KCP: variants seen among roughly 807,000 people sequenced by gnomAD.
The protein encoded by KCP is kielin cysteine rich BMP regulator, also known as kielin/chordin-like protein.
In KCP, 194 loss-of-function variants were observed where a neutral mutation model predicts 212.7. The ratio of observed to expected loss-of-function variants is 0.91; its 90% CI spans 0.81 to 1.03. The LOEUF (loss-of-function observed/expected upper bound fraction) is 1.03, where lower values mean the gene tolerates loss of function less well. KCP is among the 50% of genes least tolerant of loss of function. The pLI is 0.00. For missense variants in KCP, 2,080 were observed against 2,162.5 expected (o/e 0.96, Z 0.76); for synonymous variants, 833 against 865.3 (o/e 0.96, Z 0.65).
chr7:128,891,992 A>T (rs1211587712), intron 16 of KCP, among the ~76,000 whole-genome samples, 173 bp from the exon 17 acceptor site: 3 of 151,984 alleles, frequency 2.0e-5, no homozygotes, highest in Non-Finnish European at 4.4e-5. Context: ...AGCACACACG[A>T]GTGTGCGTGC....
intron 21 of KCP, 85 bp downstream of exon 21, chr7:128,890,258 A>T (rs1158110076): frequency 6.5e-6 from 10 of 1,548,950 alleles, no homozygotes; most frequent in Non-Finnish European, 8.7e-6. Flanking sequence ...TTTTAGATCC[A>T]CCCTAGGGCA....
At chr7:128,880,330 C>T (rs769462758) in intron 34 of KCP, 56 bp downstream of exon 34, 21 of 1,465,152 alleles carry the variant, frequency 1.4e-5, no homozygotes, top group South Asian at 5.6e-5. Flanking sequence ...ACCAGGATGG[C>T]GGTACCATGT....
Position 128,885,174 on chromosome 7 carries a change from G to A in KCP, c.2963C>T (p.Thr988Ile). The change falls in exon 27 of 40, where the codon ACC becomes ATC. Residue 988 changes from threonine (T) to isoleucine (I), a missense_variant. Transcript: ENST00000610776. Reference sequence around the variant, plus strand: ...GCTGATGCACTGGATGCGTGCACAGGTGACGACGCCCTCGTGACACACACA... The same window carrying A: ...GCTGATGCACTGGATGCGTGCACAGATGACGACGCCCTCGTGACACACACA... ...SSCVCHEGVV[T>I]CARIQCISSC... 6.4e-7 allele frequency: 1 copy of A among 1,550,880 alleles called. No individual in the cohort carries two copies.
At chr7:128,909,773 T>C (rs1795333941) in intron 1 of KCP, among the ~76,000 whole-genome samples, 1 of 152,172 alleles carries the variant, frequency 6.6e-6, no homozygotes, top group Admixed American at 6.5e-5. Flanking sequence ...TACTTCTGGC[T>C]TATATCAGGG....
intron 22 of KCP, among the ~76,000 whole-genome samples, chr7:128,888,610 C>CCAGACACACACACACACATA (rs1190662907): frequency 8.0e-6 from 1 of 124,522 alleles, no homozygotes; most frequent in African/African-American, 3.0e-5. Flanking sequence ...ACACACACAG[C>CCAGACACACACACACACATA]CAGACACACA....
In KCP at chr7:128,891,488, G is replaced by C; in HGVS notation, c.1841C>G (p.Pro614Arg). The C allele has an allele frequency of 6.5e-7, 1 of 1,550,372 alleles. No homozygotes were observed. The highest frequency in any genetic ancestry group is 8.7e-7 in the Non-Finnish European group (1 of 1,146,792). ...GKEYPSGADF[P>R]HPSDPCRLCR... ...CAGACGGCAGGGGTCAGAGGGGTGG[G>C]GGAAGTCCGCTCCGCTGGGGTACTC... The change falls in exon 18 of 40, where the codon CCC becomes CGC. Residue 614 changes from proline (P) to arginine (R), a missense_variant. Coordinates refer to ENST00000610776, the MANE Select transcript of KCP (RefSeq NM_001366122.1).
intron 27 of KCP, 80 bp from the exon 28 acceptor site, chr7:128,884,943 C>T: frequency 6.7e-7 from 1 of 1,492,624 alleles, no homozygotes; most frequent in South Asian, 1.2e-5. Context: ...CCTCTATCTC[C>T]AGCCTCCCCC....
At position 128,888,551 on chromosome 7, in the gene KCP, CACAT is replaced by C. The variant is rs374942701; in HGVS notation, c.2512+308_2512+311del. On this transcript the variant is annotated intron_variant, in intron 22 of 39. Coordinates refer to ENST00000610776, the MANE Select transcript of KCP (RefSeq NM_001366122.1). Reference sequence around the variant, plus strand: ...ATACACACATACACACATACAGCAACACATACATACACACACATATACACACGGC... The same window carrying C: ...ATACACACATACACACATACAGCAACACATACACACACATATACACACGGC... Among the ~76,000 whole-genome samples the C allele has an allele frequency of 1.4e-3, 209 of 148,070 alleles. 8 individuals are homozygous for C. The East Asian group carries it at 0.036, about 25-fold the overall frequency.
At position 128,907,289 on chromosome 7, in the gene KCP, G is replaced by C. The variant is rs781574662; in HGVS notation, c.384C>G (p.Pro128=). ...VCQDGAAHCG[P]QAHLPHCRGC... is the part of the protein sequence containing the mutation. ...CCCTGCAATGGGGCAGGTGTGCTTG[G>C]GGGCCACAGTGAGCGGCCCCATCCT... Residue 128 remains proline (P), a synonymous_variant, in exon 3 of 40, where the codon CCC becomes CCG. Coordinates refer to ENST00000610776, the MANE Select transcript of KCP (RefSeq NM_001366122.1). 2.5e-5 allele frequency: 39 copies of C among 1,535,734 alleles called. No homozygotes were observed. The highest frequency in any genetic ancestry group is 3.4e-5 in the Non-Finnish European group (39 of 1,134,514).
intron 6 of KCP, 71 bp from the exon 7 acceptor site, chr7:128,903,891 CA>C (rs1423515017): frequency 7.5e-7 from 1 of 1,338,024 alleles, no homozygotes; most frequent in Non-Finnish European, 1.0e-6. Context: ...GGGTGTTGGG[CA>C]CCCTCGGAGG....
chr7:128,910,701 C>T lies in KCP; in HGVS notation c.-25G>A, dbSNP rs1563059340. Reference sequence around the variant, plus strand: ...TGCTAGCTCCGCCTCGCTCGGCTCGCCGTCTGTCGTCGCGGCTCAGCAGGC... The same window carrying T: ...TGCTAGCTCCGCCTCGCTCGGCTCGTCGTCTGTCGTCGCGGCTCAGCAGGC... On this transcript the variant is annotated 5_prime_UTR_variant, in exon 1 of 40. Transcript: ENST00000610776. 2.0e-6 allele frequency: 3 copies of T among 1,471,222 alleles called. No homozygotes were observed. The highest frequency in any genetic ancestry group is 4.8e-5 in the Admixed American group (2 of 42,010). The allele number at this position is 1,471,222 out of a possible 1,614,324, so 91.1% of individuals were successfully genotyped here.
chr7:128,889,050 A>G lies in KCP; in HGVS notation c.2336-11T>C, dbSNP rs761344459. ...CCAGGTACTCACAGCCTTTCAGAGA[A>G]GAGACAGAGAGGCCGAGGGGAGGGA... On this transcript the variant is annotated splice_polypyrimidine_tract_variant and intron_variant, in intron 21 of 39. Transcript: ENST00000610776. The G allele has an allele frequency of 1.3e-6, 2 of 1,483,264 alleles. No homozygotes were observed. Among genetic ancestry groups the G allele is most frequent in the Non-Finnish European group, 1.8e-6 (2 of 1,111,350 alleles). 91.9% of individuals were successfully genotyped at this position (1,483,264 alleles called of 1,614,324 possible).
chr7:128,896,287 G>A (rs574849579), intron 8 of KCP, among the ~76,000 whole-genome samples: 1 of 152,230 alleles, frequency 6.6e-6, no homozygotes, highest in South Asian at 2.1e-4. Flanking sequence ...CCAGCTTAGG[G>A]GAATTAGAGG....
In KCP at chr7:128,890,802, G is replaced by C. The variant is rs1170742159; in HGVS notation, c.2164+103C>G. On this transcript the variant is annotated intron_variant, in intron 20 of 39. Transcript: ENST00000610776. ...CTACATTCCTAACAAGATCCCCGAC[G>C]TGGGCGGAGCGGGCCTGGAGGAAGG... The C allele has an allele frequency of 5.8e-6, 6 of 1,037,694 alleles. No individual in the cohort carries two copies. The East Asian group carries it at 1.6e-4, about 28-fold the overall frequency. 64.3% of individuals were successfully genotyped at this position (1,037,694 alleles called of 1,614,324 possible).
chr7:128,901,569 T>C (rs1222432787), intron 8 of KCP, among the ~76,000 whole-genome samples: 3 of 151,598 alleles, frequency 2.0e-5, no homozygotes, highest in African/African-American at 4.9e-5. Flanking sequence ...GAGCTTGCCG[T>C]GAGCCAAGAT....
Position 128,885,217 on chromosome 7 carries a change from C to CG in KCP, c.2919dup (p.Asp974ArgfsTer34), listed in dbSNP as rs778175457. ...CACACACAGGAGGAGCAGGCACTGTCGGGGGGCACCCATCTACTGCCTTCG... is the reference window on the plus strand; with the variant it reads ...CACACACAGGAGGAGCAGGCACTGTCGGGGGGGCACCCATCTACTGCCTTCG... On this transcript the variant is annotated frameshift_variant, in exon 27 of 40. Coordinates refer to ENST00000610776, the MANE Select transcript of KCP (RefSeq NM_001366122.1). LOFTEE classifies it high-confidence loss of function. 1.0e-5 allele frequency: 16 copies of CG among 1,550,610 alleles called. No individual in the cohort carries two copies. The East Asian group carries it at 2.0e-4, about 19-fold the overall frequency.
Position 128,904,107 on chromosome 7 carries a change from C to T in KCP, c.603G>A (p.Glu201=). 6.4e-7 allele frequency: 1 copy of T among 1,551,640 alleles called. No homozygotes were observed. The highest frequency in any genetic ancestry group is 1.4e-5 in the African/African-American group (1 of 73,120). The change falls in exon 6 of 40, where the codon GAG becomes GAA. Residue 201 remains glutamate, a synonymous_variant. Coordinates refer to ENST00000610776, the MANE Select transcript of KCP (RefSeq NM_001366122.1). ...TGGAGCTGGACAGGAAGGTGACCCC[C>T]TCCTCATAAAGCTGCCCCTCATAAT... ...GCDYEGQLYE[E]GVTFLSSSNP...
At chr7:128,882,080 G>A in intron 29 of KCP, 64 bp from the exon 30 acceptor site, 1 of 1,274,484 alleles carries the variant, frequency 7.8e-7, no homozygotes, top group Non-Finnish European at 1.1e-6. Flanking sequence ...AATCCCAGCT[G>A]TCCCCATGCA....
chr7:128,900,786 A>T (rs773013710), intron 8 of KCP, among the ~76,000 whole-genome samples: 3 of 152,220 alleles, frequency 2.0e-5, no homozygotes, highest in Non-Finnish European at 4.4e-5. Flanking sequence ...CAGGAATATC[A>T]TTGCCCCTAT....
Sources: gnomAD v4.1 joint callset for allele counts (sites outside exome capture counted in the v4.1 genomes callset) on GRCh38, gnomAD v4.1.1 for gene constraint, MANE v1.5 for transcripts, NCBI Gene and HGNC (gene_info 2026-07-23, HGNC 2026-07-21) for gene names.